INVS: variants seen among roughly 807,000 people sequenced by gnomAD.
The protein encoded by INVS is inversion of embryo turning homolog.
A neutral mutation model predicts 108.8 loss-of-function variants in INVS; 86 were observed. That is an observed-to-expected ratio of 0.79 (90% CI 0.66 to 0.95). The LOEUF is 0.95. INVS is among the 40% of genes least tolerant of loss of function. INVS has a pLI of 0.00. For synonymous variants in INVS, 455 were observed against 473.5 expected, an observed-to-expected ratio of 0.96 and a Z score of 0.51; for missense variants, 1,169 against 1,297.4, an observed-to-expected ratio of 0.90 and a Z score of 1.52.
intron 3 of INVS, among the ~76,000 whole-genome samples, chr9:100,200,150 T>C (rs574853325): frequency 6.6e-6 from 1 of 152,330 alleles, no homozygotes; most frequent in South Asian, 2.1e-4. Flanking sequence ...TTTCTTTTTA[T>C]GTAATTTTTC....
intron 2 of INVS, among the ~76,000 whole-genome samples, chr9:100,109,826 C>T (rs539472526): frequency 4.9e-4 from 74 of 152,262 alleles, no homozygotes; most frequent in African/African-American, 1.6e-3. Context: ...CCACCATGCC[C>T]GGCTAATTTG....
chr9:100,133,521 A>C (rs898924240), intron 3 of INVS, among the ~76,000 whole-genome samples: 1 of 152,056 alleles, frequency 6.6e-6, no homozygotes, highest in Non-Finnish European at 1.5e-5. Context: ...TTCATAAAAG[A>C]TTATATCCAG....
chr9:100,229,426 A>G (rs572325025), intron 4 of INVS, among the ~76,000 whole-genome samples: 38 of 152,284 alleles, frequency 2.5e-4, no homozygotes, highest in Middle Eastern at 3.4e-3. Flanking sequence ...CTATTTCAAC[A>G]TGTTATTTAG....
At chr9:100,116,526 A>G (rs1269861444) in intron 2 of INVS, among the ~76,000 whole-genome samples, 1 of 151,946 alleles carries the variant, frequency 6.6e-6, no homozygotes, top group Non-Finnish European at 1.5e-5. Flanking sequence ...CTTTTTAAAA[A>G]TTTTTCTTAA....
chr9:100,261,024 G>A (rs548234968), intron 10 of INVS, among the ~76,000 whole-genome samples: 14 of 152,134 alleles, frequency 9.2e-5, no homozygotes, highest in Admixed American at 5.2e-4. Flanking sequence ...CCCCAGTTGC[G>A]TAGTATTAAT....
intron 14 of INVS, among the ~76,000 whole-genome samples, chr9:100,295,316 G>A (rs531589313): frequency 6.6e-6 from 1 of 152,256 alleles, no homozygotes; most frequent in East Asian, 1.9e-4. Flanking sequence ...ACCTGCGTAG[G>A]TAACTACACA....
At chr9:100,288,925 C>T (rs1279842662) in intron 13 of INVS, among the ~76,000 whole-genome samples, 2 of 152,078 alleles carry the variant, frequency 1.3e-5, no homozygotes, top group African/African-American at 4.8e-5. Flanking sequence ...ATTGTGTCCG[C>T]CCTGATTTGA....
At chr9:100,273,112 C>G in intron 12 of INVS, 36 bp downstream of exon 12, 1 of 1,561,762 alleles carries the variant, frequency 6.4e-7, no homozygotes, top group Non-Finnish European at 8.8e-7. Context: ...TTTTCGCCAC[C>G]CAGAATCAGG....
Position 100,229,688 on chromosome 9 carries a change from A to G in INVS, c.476A>G (p.Tyr159Cys), listed in dbSNP as rs2118428051. The change falls in exon 5 of 17, where the codon TAC (tyrosine) becomes TGC (cysteine). Residue 159 changes from tyrosine to cysteine, a missense_variant. Tyr to Cys is a radical substitution (Grantham distance 194). Coordinates refer to ENST00000262457, the MANE Select transcript of INVS (RefSeq NM_014425.5). ...ACAGCTCTGCATTGGAGTGCCTACT[A>G]CAATAACCCTGAGCATGTGAAGCTG... ...KQTALHWSAY[Y>C]NNPEHVKLLI... is the part of the protein sequence containing the mutation. 4 of 1,613,954 alleles carry G rather than the reference A, an allele frequency of 2.5e-6. No individual in the cohort carries two copies. Among genetic ancestry groups the G allele is most frequent in the Non-Finnish European group, 3.4e-6 (4 of 1,179,872 alleles).
At chr9:100,155,277 G>T (rs1171238858) in intron 3 of INVS, among the ~76,000 whole-genome samples, 3 of 151,944 alleles carry the variant, frequency 2.0e-5, no homozygotes, top group African/African-American at 7.3e-5. Context: ...AGACACCTGT[G>T]TATTAAGTTG....
intron 3 of INVS, among the ~76,000 whole-genome samples, chr9:100,218,467 G>C (rs1250523700): frequency 6.6e-6 from 1 of 152,108 alleles, no homozygotes; most frequent in South Asian, 2.1e-4. Flanking sequence ...AAATAGCAAA[G>C]GCCCCAGGGA....
chr9:100,228,633 G>A (rs752003866), intron 4 of INVS, among the ~76,000 whole-genome samples: 7 of 152,046 alleles, frequency 4.6e-5, no homozygotes, highest in South Asian at 2.1e-4. Context: ...TATCAGTACC[G>A]GATGAACTAA....
chr9:100,194,409 ACTTGCTAAAGTT>A (rs1227312941), intron 3 of INVS, among the ~76,000 whole-genome samples: 3 of 152,010 alleles, frequency 2.0e-5, no homozygotes, highest in Non-Finnish European at 4.4e-5. Flanking sequence ...GTTTCTGCAA[ACTTGCTAAAGTT>A]CTTCATTCAT....
intron 3 of INVS, among the ~76,000 whole-genome samples, chr9:100,200,391 G>GT (rs2118226399): frequency 6.6e-6 from 1 of 152,258 alleles, no homozygotes; most frequent in Non-Finnish European, 1.5e-5. Context: ...ATGATACCTT[G>GT]TAGGGACTCT....
At chr9:100,141,147 A>G (rs977070422) in intron 3 of INVS, among the ~76,000 whole-genome samples, 1 of 152,182 alleles carries the variant, frequency 6.6e-6, no homozygotes, top group African/African-American at 2.4e-5. Flanking sequence ...GACAGAAGAT[A>G]GTAGGGATGA....
intron 12 of INVS, among the ~76,000 whole-genome samples, chr9:100,282,651 C>T (rs1833316455): frequency 6.6e-6 from 1 of 152,182 alleles, no homozygotes; most frequent in African/African-American, 2.4e-5. Context: ...GGCTTAGGGT[C>T]TCCGCCTTGT....
chr9:100,257,772 G>T (rs1832470244), intron 10 of INVS, among the ~76,000 whole-genome samples: 1 of 152,220 alleles, frequency 6.6e-6, no homozygotes, highest in Admixed American at 6.5e-5. Context: ...TCTGCCAAGA[G>T]ATCTGCTGTT....
chr9:100,189,461 T>A (rs1830157722), intron 3 of INVS, among the ~76,000 whole-genome samples: 1 of 152,128 alleles, frequency 6.6e-6, no homozygotes, highest in African/African-American at 2.4e-5. Flanking sequence ...AAAGAATTTT[T>A]TAATTTCCAT....
At chr9:100,197,375 C>A (rs555195317) in intron 3 of INVS, among the ~76,000 whole-genome samples, 3 of 152,062 alleles carry the variant, frequency 2.0e-5, no homozygotes, top group Non-Finnish European at 4.4e-5. Context: ...GAGTTCAAGA[C>A]CAGCCTGGGC....
Sources: gnomAD v4.1 joint callset for allele counts (sites outside exome capture counted in the v4.1 genomes callset) on GRCh38, gnomAD v4.1.1 for gene constraint, MANE v1.5 for transcripts, NCBI Gene and HGNC (gene_info 2026-07-23, HGNC 2026-07-21) for gene names.